GRIN2B: variants seen among roughly 807,000 people sequenced by gnomAD.
The protein encoded by GRIN2B is glutamate receptor ionotropic, NMDA 2B.
Under a neutral mutation model 114.5 loss-of-function variants are expected in GRIN2B, and 5 were observed. The observed-to-expected ratio is 0.04, with a 90% confidence interval of 0.02 to 0.09. The LOEUF (loss-of-function observed/expected upper bound fraction) is 0.09, where lower values mean the gene tolerates loss of function less well. Among genes scored for constraint, GRIN2B ranks in the 10% least tolerant of loss-of-function variants. The probability of loss-of-function intolerance (pLI) is 1.00; values close to 1 mark genes in which losing one functional copy is unlikely to be tolerated. For missense variants in GRIN2B, 1,108 were observed against 1,943.5 expected, an observed-to-expected ratio of 0.57 and a Z score of 8.08; for synonymous variants, 787 against 745.1, an observed-to-expected ratio of 1.06 and a Z score of -0.92.
chr12:13,759,310 G>C (rs1444099773), intron 3 of GRIN2B, among the ~76,000 whole-genome samples: 2 of 151,970 alleles, frequency 1.3e-5, no homozygotes, highest in East Asian at 3.9e-4. Flanking sequence ...CGCCCAGCTA[G>C]TTTCAAATTT....
intron 2 of GRIN2B, among the ~76,000 whole-genome samples, chr12:13,961,004 G>C (rs999007626): frequency 7.2e-5 from 11 of 152,162 alleles, no homozygotes; most frequent in African/African-American, 2.4e-4. Context: ...TGTTTTGAGA[G>C]TGGGGTGGGT....
At chr12:13,757,975 G>A (rs1246402777) in intron 3 of GRIN2B, among the ~76,000 whole-genome samples, 3 of 152,104 alleles carry the variant, frequency 2.0e-5, no homozygotes, top group Non-Finnish European at 4.4e-5. Flanking sequence ...TGCCCCAGCG[G>A]CTGGTAGTGC....
At chr12:13,726,224 C>T (rs902521727) in intron 4 of GRIN2B, among the ~76,000 whole-genome samples, 1 of 151,660 alleles carries the variant, frequency 6.6e-6, no homozygotes, top group Non-Finnish European at 1.5e-5. Flanking sequence ...GGTGAAGGGG[C>T]CAATATTTTT....
intron 4 of GRIN2B, among the ~76,000 whole-genome samples, chr12:13,689,186 C>G (rs1950194864): frequency 6.6e-6 from 1 of 152,130 alleles, no homozygotes; most frequent in African/African-American, 2.4e-5. Flanking sequence ...CTCTTATTCC[C>G]CATTTCCATC....
chr12:13,601,460 C>T (rs184992281), intron 10 of GRIN2B, among the ~76,000 whole-genome samples: 1 of 152,156 alleles, frequency 6.6e-6, no homozygotes, highest in East Asian at 1.9e-4. Context: ...TTAGTGTCTA[C>T]CTGGATAGTC....
chr12:13,826,489 T>C (rs1398025406), intron 3 of GRIN2B, among the ~76,000 whole-genome samples: 2 of 151,980 alleles, frequency 1.3e-5, no homozygotes. Flanking sequence ...ATAAATAATA[T>C]TTTGCCACTA....
At position 13,547,982 on chromosome 12, in the gene GRIN2B, T is replaced by TATATATATATATA. The variant is rs1555098069; in HGVS notation, c.*14800_*14801insTATATATATATAT. 6 of 37,116 alleles carry TATATATATATATA rather than the reference T, an allele frequency of 1.6e-4. No homozygotes were observed. Among genetic ancestry groups the TATATATATATATA allele is most frequent in the East Asian group, 5.4e-4 (1 of 1,838 alleles). 2.3% of individuals were successfully genotyped at this position (37,116 alleles called of 1,614,324 possible). On this transcript the variant is annotated 3_prime_UTR_variant, in exon 14 of 14. Coordinates refer to ENST00000609686, the MANE Select transcript of GRIN2B (RefSeq NM_000834.5). ...GTGTATATATATATATATATATATATTTTTTTTTTTTTTCTGAAAGCTACA... is the reference window on the plus strand; with the variant it reads ...GTGTATATATATATATATATATATATATATATATATATATTTTTTTTTTTTTCTGAAAGCTACA...
chr12:13,825,496 T>TTTTTTTTTTTTGTG (rs375940899), intron 3 of GRIN2B, among the ~76,000 whole-genome samples: 24 of 122,970 alleles, frequency 2.0e-4, no homozygotes, highest in African/African-American at 7.5e-4. Flanking sequence ...TATATATATT[T>TTTTTTTTTTTTGTG]TGTGTGTGTG....
intron 2 of GRIN2B, among the ~76,000 whole-genome samples, chr12:13,942,778 G>A (rs1867284250): frequency 6.6e-6 from 1 of 152,154 alleles, no homozygotes; most frequent in African/African-American, 2.4e-5. Context: ...TAATCACTTT[G>A]AAGGATTCTC....
Position 13,615,637 on chromosome 12 carries a change from G to A in GRIN2B, c.1356C>T (p.Tyr452=), listed in dbSNP as rs142935139. The A allele has an allele frequency of 1.8e-4, 288 of 1,613,322 alleles. 1 individual carries two copies. Among genetic ancestry groups the A allele is most frequent in the Non-Finnish European group, 2.2e-4 (256 of 1,179,442 alleles). Reference sequence around the variant, plus strand: ...AGAACCCCTTGCAGCATTTTTTGATGTAACCCGGCTCCTCGTCTGTTTTAT... The same window carrying A: ...AGAACCCCTTGCAGCATTTTTTGATATAACCCGGCTCCTCGTCTGTTTTAT... ...TENKTDEEPG[Y]IKKCCKGFCI... The change falls in exon 7 of 14, where the codon TAC becomes TAT. Residue 452 remains tyrosine, a synonymous_variant. Transcript: ENST00000609686. This position sits in a 1 kb window ranked among gnomAD's most constrained non-coding sequence, Gnocchi z 5.8.
chr12:13,697,532 A>G (rs1306652853), intron 4 of GRIN2B, among the ~76,000 whole-genome samples: 3 of 152,192 alleles, frequency 2.0e-5, no homozygotes, highest in Non-Finnish European at 4.4e-5. Context: ...TTTGACAGTG[A>G]CATTCCAAAA....
intron 3 of GRIN2B, among the ~76,000 whole-genome samples, chr12:13,755,273 C>T (rs903708819): frequency 1.3e-5 from 2 of 152,074 alleles, no homozygotes; most frequent in Admixed American, 1.3e-4. Flanking sequence ...CTTCAGCACC[C>T]CTTATTGAAA....
Position 13,571,830 on chromosome 12 carries a change from A to T in GRIN2B, c.2145T>A (p.Asp715Glu), listed in dbSNP as rs368555085. The T allele has an allele frequency of 6.2e-7, 1 of 1,614,098 alleles. No homozygotes were observed. Among genetic ancestry groups the T allele is most frequent in the Non-Finnish European group, 8.5e-7 (1 of 1,179,926 alleles). ...YMGKFNQRGVDDALLSLKTGK... is the reference protein window; with the variant it reads ...YMGKFNQRGVEDALLSLKTGK... Reference sequence around the variant, plus strand: ...CTGTTTTCAGGGAGAGCAATGCATCATCTACACCCCTCTGGTTGAACTTTC... The same window carrying T: ...CTGTTTTCAGGGAGAGCAATGCATCTTCTACACCCCTCTGGTTGAACTTTC... Residue 715 changes from aspartate (D) to glutamate (E), a missense_variant, in exon 11 of 14, where the codon GAT becomes GAA. By Grantham distance (45) the Asp-to-Glu change is conservative. This residue lies in a region of GRIN2B where 35 missense variants were observed against 194.7 expected (regional missense o/e 0.18). Transcript: ENST00000609686.
rs532151690 is a variant in GRIN2B at position 13,641,929 on chromosome 12, T to A, written c.1126-25272A>T. On this transcript the variant is annotated intron_variant, in intron 5 of 13. Coordinates refer to ENST00000609686, the MANE Select transcript of GRIN2B (RefSeq NM_000834.5). Reference sequence around the variant, plus strand: ...AAGGTCAGGCGTGATGGCTCATGCCTGTAATCCCAGAACTTTGGGAGGCAA... The same window carrying A: ...AAGGTCAGGCGTGATGGCTCATGCCAGTAATCCCAGAACTTTGGGAGGCAA... Among the ~76,000 whole-genome samples, 4 of 152,250 alleles carry A rather than the reference T, an allele frequency of 2.6e-5. No individual in the cohort carries two copies. In the South Asian group the frequency reaches 8.3e-4, roughly 32 times the overall value.
At chr12:13,747,311 C>T (rs1408534365) in intron 4 of GRIN2B, among the ~76,000 whole-genome samples, 3 of 152,182 alleles carry the variant, frequency 2.0e-5, no homozygotes, top group African/African-American at 4.8e-5. Context: ...AAATGACCAT[C>T]TATATGTCTG....
At position 13,553,311 on chromosome 12, in the gene GRIN2B, A is replaced by C. The variant is rs1591599068; in HGVS notation, c.*9472T>G. 1 of 152,212 alleles carries C rather than the reference A, an allele frequency of 6.6e-6. No homozygotes were observed. Among genetic ancestry groups the C allele is most frequent in the African/African-American group, 2.4e-5 (1 of 41,462 alleles). The allele number at this position is 152,212 out of a possible 1,614,324, so 9.4% of individuals were successfully genotyped here. A position where few individuals can be genotyped will look rare whatever the true frequency, so the allele number is the denominator to read the frequency against. ...TGAGGTAATGAATCCCTTTATATTTACAGAGAAAGGAGTAGTTTAGAGACT... is the reference window on the plus strand; with the variant it reads ...TGAGGTAATGAATCCCTTTATATTTCCAGAGAAAGGAGTAGTTTAGAGACT... On this transcript the variant is annotated 3_prime_UTR_variant, in exon 14 of 14. Transcript: ENST00000609686.
intron 2 of GRIN2B, among the ~76,000 whole-genome samples, chr12:13,921,729 C>G (rs947562382): frequency 6.6e-6 from 1 of 152,114 alleles, no homozygotes; most frequent in African/African-American, 2.4e-5. Flanking sequence ...CTTTTCTTAG[C>G]CTACTGGGAT....
At chr12:13,935,476 C>A (rs1257795737) in intron 2 of GRIN2B, among the ~76,000 whole-genome samples, 1 of 152,172 alleles carries the variant, frequency 6.6e-6, no homozygotes, top group Non-Finnish European at 1.5e-5. Context: ...TGACTATTGT[C>A]AAGTCAGGGA....
intron 4 of GRIN2B, among the ~76,000 whole-genome samples, chr12:13,682,064 TA>T (rs2136547222): frequency 6.6e-6 from 1 of 152,302 alleles, no homozygotes. Context: ...CAAAGATATT[TA>T]AAAATTAGAT....
Sources: allele counts gnomAD v4.1 joint callset (sites outside exome capture counted in the v4.1 genomes callset), GRCh38; gene constraint gnomAD v4.1.1; regional missense constraint gnomAD v4.1.1; non-coding constraint Gnocchi (gnomAD v3.1); transcripts MANE v1.5; gene names NCBI Gene and HGNC (gene_info 2026-07-23, HGNC 2026-07-21).